Variants in FEZ2 observed in about 807,000 individuals in gnomAD.
FEZ2 encodes the protein fasciculation and elongation protein zeta-2.
Under a neutral mutation model 40.4 loss-of-function variants are expected in FEZ2, and 51 were observed. That is an observed-to-expected ratio of 1.26 (90% CI 1.01 to 1.59). FEZ2 has a LOEUF of 1.59. FEZ2 is among the 40% of genes most tolerant of loss of function. The probability of loss-of-function intolerance (pLI) is 0.00; values close to 1 mark genes in which losing one functional copy is unlikely to be tolerated. For missense variants in FEZ2, 640 were observed against 438.3 expected (o/e 1.46, Z -4.11); for synonymous variants, 242 against 172.0 (o/e 1.41, Z -3.18).
At chr2:36,557,995 T>C (rs1667997416) in intron 6 of FEZ2, 1 of 152,684 alleles carries the variant, frequency 6.5e-6, no homozygotes, top group South Asian at 2.1e-4. Context: ...AACATCACTG[T>C]CAATTTATGT....
intron 2 of FEZ2, chr2:36,590,195 A>G (rs1001422110): frequency 6.6e-6 from 1 of 152,214 alleles, no homozygotes; most frequent in African/African-American, 2.4e-5. Flanking sequence ...AAGAACTAAA[A>G]TATCTTTTAA....
intron 2 of FEZ2, 89 bp downstream of exon 2, chr2:36,590,814 G>A (rs1573031894): frequency 1.3e-6 from 1 of 792,050 alleles, no homozygotes; most frequent in Non-Finnish European, 2.2e-6. Context: ...AGGCAGGTCA[G>A]TGAATCTGTG....
At position 36,598,059 on chromosome 2, in the gene FEZ2, C is replaced by G. The variant is rs1573039929; in HGVS notation, c.84G>C (p.Ala28=). Residue 28 remains alanine, a synonymous_variant, in exon 1 of 8, where the codon GCG becomes GCC. Coordinates refer to ENST00000405912, the MANE Select transcript of FEZ2 (RefSeq NM_005102.3). ...RSLLDQENCN[A]SPEPGAEAGA... ...CCGCCTCCGCCCCAGGCTCGGGGCT[C>G]GCGTTACAGTTCTCCTGGTCCAGGA... 6 of 1,495,512 alleles carry G rather than the reference C, an allele frequency of 4.0e-6. No individual in the cohort carries two copies. The highest frequency in any genetic ancestry group is 5.3e-6 in the Non-Finnish European group (6 of 1,125,912). 92.6% of individuals were successfully genotyped at this position (1,495,512 alleles called of 1,614,324 possible).
At chr2:36,567,274 AAAAGCCC>A (rs1490092048) in intron 5 of FEZ2, among the ~76,000 whole-genome samples, 4 of 152,128 alleles carry the variant, frequency 2.6e-5, no homozygotes, top group African/African-American at 9.7e-5. Context: ...AAGAAAAAAA[AAAAGCCC>A]AAAATAAGTG....
At chr2:36,559,872 G>A (rs1312334060) in intron 5 of FEZ2, among the ~76,000 whole-genome samples, 2 of 152,216 alleles carry the variant, frequency 1.3e-5, no homozygotes, top group Non-Finnish European at 2.9e-5. Context: ...ATCCCTTCAT[G>A]GAGCTCATTG....
intron 5 of FEZ2, among the ~76,000 whole-genome samples, chr2:36,576,388 G>C (rs1195203015): frequency 6.6e-6 from 1 of 152,054 alleles, no homozygotes; most frequent in Non-Finnish European, 1.5e-5. Context: ...TCATGCCTCA[G>C]CCTCCCGAGT....
At chr2:36,593,423 T>C (rs930134062) in intron 1 of FEZ2, among the ~76,000 whole-genome samples, 1 of 152,052 alleles carries the variant, frequency 6.6e-6, no homozygotes, top group Non-Finnish European at 1.5e-5. Context: ...GCAACAAACT[T>C]TTGCCTGGGC....
intron 3 of FEZ2, among the ~76,000 whole-genome samples, chr2:36,582,676 T>A (rs141894139): frequency 1.8e-4 from 28 of 152,362 alleles, no homozygotes; most frequent in African/African-American, 3.6e-4. Flanking sequence ...AAATTTTTAA[T>A]GTACTCCTCC....
chr2:36,589,842 T>C (rs1669014254), intron 2 of FEZ2: 1 of 152,216 alleles, frequency 6.6e-6, no homozygotes, highest in Admixed American at 6.5e-5. Context: ...TGTAAAATAG[T>C]GACAGGCCTA....
At chr2:36,554,259 A>G (rs946989631) in intron 7 of FEZ2, 1 of 471,056 alleles carries the variant, frequency 2.1e-6, no homozygotes, top group African/African-American at 2.0e-5. Flanking sequence ...TCACAATTAT[A>G]GTCCTAGGTT....
In FEZ2 at chr2:36,558,512, T is replaced by C. The variant is rs1473856013; in HGVS notation, c.905A>G (p.Tyr302Cys). The C allele has an allele frequency of 1.3e-5, 19 of 1,497,634 alleles. No individual in the cohort carries two copies. Among genetic ancestry groups the C allele is most frequent in the Non-Finnish European group, 1.4e-5 (16 of 1,119,038 alleles). 92.8% of individuals were successfully genotyped at this position (1,497,634 alleles called of 1,614,324 possible). The change falls in exon 6 of 8, where the codon TAT becomes TGT. Residue 302 changes from tyrosine (Y) to cysteine (C), a missense_variant and splice_region_variant. Coordinates refer to ENST00000405912, the MANE Select transcript of FEZ2 (RefSeq NM_005102.3). ...CTCATAAGGAATGACTGTAGTCAAA[T>C]ACTGCCAAGTTTAAAAAAAAAAAGT... ...KNERSHMPGT[Y>C]LTTVIPYEKK...
intron 3 of FEZ2, 109 bp from the exon 4 acceptor site, chr2:36,581,540 C>G (rs570104178): frequency 1.6e-4 from 146 of 914,490 alleles, no homozygotes; most frequent in Admixed American, 1.3e-4. Context: ...CTGAATTCTC[C>G]ATTAACCAAT....
At chr2:36,581,880 T>G (rs147015424) in intron 3 of FEZ2, among the ~76,000 whole-genome samples, 1 of 151,720 alleles carries the variant, frequency 6.6e-6, no homozygotes, top group South Asian at 2.1e-4. Flanking sequence ...TAAAATACAA[T>G]AGCACAAAAA....
intron 5 of FEZ2, among the ~76,000 whole-genome samples, chr2:36,568,189 G>T (rs1668301472): frequency 6.6e-6 from 1 of 151,958 alleles, no homozygotes; most frequent in Non-Finnish European, 1.5e-5. Flanking sequence ...GGTAGGGGAG[G>T]AGGGAGACAG....
In FEZ2 at chr2:36,597,873, T is replaced by G; in HGVS notation, c.266+4A>C. 1 of 1,356,796 alleles carries G rather than the reference T, an allele frequency of 7.4e-7. No homozygotes were observed. The highest frequency in any genetic ancestry group is 9.4e-7 in the Non-Finnish European group (1 of 1,059,910). 84.0% of individuals were successfully genotyped at this position (1,356,796 alleles called of 1,614,324 possible). A position where few individuals can be genotyped will look rare whatever the true frequency, so the allele number is the denominator to read the frequency against. ...CCCACTCCCGGCCGGGGCCCCGCACTCACTCGTCCCCCTGCAGGAGGCTGC... is the reference window on the plus strand; with the variant it reads ...CCCACTCCCGGCCGGGGCCCCGCACGCACTCGTCCCCCTGCAGGAGGCTGC... On this transcript the variant is annotated splice_donor_region_variant and intron_variant, in intron 1 of 7. Coordinates refer to ENST00000405912, the MANE Select transcript of FEZ2 (RefSeq NM_005102.3).
At chr2:36,579,903 G>C (rs1452329620) in intron 4 of FEZ2, among the ~76,000 whole-genome samples, 1 of 152,072 alleles carries the variant, frequency 6.6e-6, no homozygotes, top group Non-Finnish European at 1.5e-5. Flanking sequence ...TCTTTAAAGA[G>C]GTAAATTAAG....
In FEZ2 at chr2:36,597,982, A is replaced by G; in HGVS notation, c.161T>C (p.Leu54Ser). Residue 54 changes from leucine (L) to serine (S), a missense_variant, in exon 1 of 8, where the codon TTG becomes TCG. Leu to Ser is a moderately radical substitution (Grantham distance 145). Coordinates refer to ENST00000405912, the MANE Select transcript of FEZ2 (RefSeq NM_005102.3). ...GAAGCACAGGCTCAGCTTCTCCTCC[A>G]AGCTGCAGGCCGGGGCCGGGAAACC... ...ADGFPAPACS[L>S]EEKLSLCFRP... The G allele has an allele frequency of 1.3e-6, 2 of 1,492,200 alleles. No homozygotes were observed. The highest frequency in any genetic ancestry group is 1.8e-6 in the Non-Finnish European group (2 of 1,126,884). The allele number at this position is 1,492,200 out of a possible 1,614,324, so 92.4% of individuals were successfully genotyped here.
chr2:36,564,107 A>T (rs1361277084), intron 5 of FEZ2, among the ~76,000 whole-genome samples: 5 of 152,298 alleles, frequency 3.3e-5, no homozygotes, highest in Non-Finnish European at 7.4e-5. Context: ...TAAGATCAGT[A>T]AAGTGCTAAG....
At chr2:36,583,316 T>G (rs1003320467) in intron 3 of FEZ2, 37 bp downstream of exon 3, 2 of 1,070,968 alleles carry the variant, frequency 1.9e-6, no homozygotes, top group African/African-American at 3.1e-5. Context: ...AGCTCTAGAG[T>G]CTCCTTTCCT....
Sources: allele counts gnomAD v4.1 joint callset (sites outside exome capture counted in the v4.1 genomes callset), GRCh38; gene constraint gnomAD v4.1.1; transcripts MANE v1.5; gene names NCBI Gene and HGNC (gene_info 2026-07-23, HGNC 2026-07-21).